The following BTAF1 variants were observed in gnomAD, a reference collection of about 807,000 sequenced individuals.
BTAF1 encodes the protein TATA-binding protein-associated factor 172.
Under a neutral mutation model 227.1 loss-of-function variants are expected in BTAF1, and 38 were observed. The ratio of observed to expected loss-of-function variants is 0.17; its 90% CI spans 0.13 to 0.22. The LOEUF (loss-of-function observed/expected upper bound fraction) is 0.22, where lower values mean the gene tolerates loss of function less well. Ranked by LOEUF, BTAF1 falls within the 10% of genes least tolerant of loss-of-function variation. The probability of loss-of-function intolerance (pLI) is 1.00; values close to 1 mark genes in which losing one functional copy is unlikely to be tolerated. For missense variants in BTAF1, 1,598 were observed against 2,204.0 expected (o/e 0.73, Z 5.51); for synonymous variants, 742 against 751.9 (o/e 0.99, Z 0.21).
chr10:92,006,775 G>GT (rs1398397778), intron 25 of BTAF1, among the ~76,000 whole-genome samples: 1 of 152,152 alleles, frequency 6.6e-6, no homozygotes, highest in Non-Finnish European at 1.5e-5. Flanking sequence ...AATACCCACA[G>GT]TTTATCAGTC....
intron 20 of BTAF1, among the ~76,000 whole-genome samples, chr10:91,990,095 A>G (rs1411941914): frequency 1.3e-5 from 2 of 152,188 alleles, no homozygotes; most frequent in East Asian, 1.9e-4. Context: ...GAGAATTTGT[A>G]TGGAAAATGA....
intron 8 of BTAF1, among the ~76,000 whole-genome samples, chr10:91,958,265 T>C (rs189831753): frequency 6.6e-6 from 1 of 151,966 alleles, no homozygotes; most frequent in Non-Finnish European, 1.5e-5. Flanking sequence ...TTGGCCAGGC[T>C]GGTCTTGCTT....
chr10:92,006,650 T>G (rs932350193), intron 25 of BTAF1, among the ~76,000 whole-genome samples: 1 of 152,260 alleles, frequency 6.6e-6, no homozygotes, highest in Non-Finnish European at 1.5e-5. Context: ...TATTGGAAAC[T>G]GTCAGCTTCT....
intron 8 of BTAF1, 78 bp from the exon 9 acceptor site, chr10:91,958,987 C>A: frequency 7.8e-7 from 1 of 1,284,884 alleles, no homozygotes; most frequent in East Asian, 2.3e-5. Context: ...TCCAGTATCC[C>A]TATTTCGTAT....
intron 1 of BTAF1, among the ~76,000 whole-genome samples, chr10:91,928,322 A>C (rs1844009548): frequency 6.6e-6 from 1 of 152,174 alleles, no homozygotes; most frequent in Non-Finnish European, 1.5e-5. Flanking sequence ...TGCAAAAATA[A>C]CTTTGTTACT....
chr10:91,952,378 T>C (rs529806866), intron 5 of BTAF1, among the ~76,000 whole-genome samples: 1 of 152,184 alleles, frequency 6.6e-6, no homozygotes, highest in Non-Finnish European at 1.5e-5. Flanking sequence ...CTTAACTTTT[T>C]TTATGCCACA....
intron 19 of BTAF1, 108 bp from the exon 20 acceptor site, chr10:91,989,046 G>C: frequency 9.9e-7 from 1 of 1,010,786 alleles, no homozygotes; most frequent in Non-Finnish European, 1.4e-6. Context: ...ATTACATATT[G>C]TGGAAACCAA....
intron 33 of BTAF1, among the ~76,000 whole-genome samples, chr10:92,017,258 A>G (rs1850802474): frequency 6.6e-6 from 1 of 152,186 alleles, no homozygotes; most frequent in Non-Finnish European, 1.5e-5. Context: ...TTGAGCAAAG[A>G]TCTGAAGGAG....
intron 22 of BTAF1, 99 bp downstream of exon 22, chr10:91,993,946 GT>G: frequency 1.1e-6 from 1 of 875,924 alleles, no homozygotes; most frequent in Non-Finnish European, 1.6e-6. Context: ...GCCTCTACCT[GT>G]TTATTCCAGA....
At chr10:92,021,215 A>G (rs1343960023) in intron 34 of BTAF1, among the ~76,000 whole-genome samples, 1 of 152,238 alleles carries the variant, frequency 6.6e-6, no homozygotes, top group Non-Finnish European at 1.5e-5. Flanking sequence ...GAAGTATCTA[A>G]TATTGCCAAA....
At chr10:91,945,956 G>GA (rs1357594733) in intron 4 of BTAF1, among the ~76,000 whole-genome samples, 2 of 152,104 alleles carry the variant, frequency 1.3e-5, no homozygotes, top group Non-Finnish European at 2.9e-5. Context: ...GTTATTTTCT[G>GA]TTTTTTGATA....
At chr10:91,989,054 C>G (rs1158274967) in intron 19 of BTAF1, 100 bp from the exon 20 acceptor site, 1 of 1,126,272 alleles carries the variant, frequency 8.9e-7, no homozygotes. Context: ...TTGTGGAAAC[C>G]AAAATTGAAA....
chr10:92,002,006 ACACACACACT>A (rs61161147), intron 25 of BTAF1, among the ~76,000 whole-genome samples: 37,474 of 145,476 alleles, frequency 0.26, 6,213 homozygotes, highest in South Asian at 0.47. Context: ...ACACACACAC[ACACACACACT>A]CCATATATTC....
intron 14 of BTAF1, among the ~76,000 whole-genome samples, chr10:91,976,026 C>A (rs1235451926): frequency 6.6e-6 from 1 of 152,222 alleles, no homozygotes; most frequent in East Asian, 1.9e-4. Flanking sequence ...CAACAGATAG[C>A]AGTTGCAAGT....
chr10:91,947,015 T>A (rs191964153), intron 4 of BTAF1, among the ~76,000 whole-genome samples: 5 of 152,044 alleles, frequency 3.3e-5, no homozygotes, highest in African/African-American at 7.2e-5. Context: ...GCTAATTTTT[T>A]AATTTTTAGT....
At chr10:91,973,596 GATA>G (rs1847465254) in intron 14 of BTAF1, among the ~76,000 whole-genome samples, 2 of 152,078 alleles carry the variant, frequency 1.3e-5, no homozygotes, top group Non-Finnish European at 2.9e-5. Flanking sequence ...TGAGAGAACT[GATA>G]ATCAAAGATT....
At position 92,030,298 on chromosome 10, in the gene BTAF1, G is replaced by T. The variant is rs576133609; in HGVS notation, c.*1365G>T. 2.0e-5 allele frequency: 3 copies of T among 152,560 alleles called. No homozygotes were observed. In the South Asian group the frequency reaches 6.2e-4, roughly 32 times the overall value. 9.5% of individuals were successfully genotyped at this position (152,560 alleles called of 1,614,324 possible). A position where few individuals can be genotyped will look rare whatever the true frequency, so the allele number is the denominator to read the frequency against. Reference sequence around the variant, plus strand: ...ACATTAAACCTAGCATTCCACAAGAGAATAAATATAAGATTGAAACTGTAA... The same window carrying T: ...ACATTAAACCTAGCATTCCACAAGATAATAAATATAAGATTGAAACTGTAA... On this transcript the variant is annotated 3_prime_UTR_variant, in exon 38 of 38. Coordinates refer to ENST00000265990, the MANE Select transcript of BTAF1 (RefSeq NM_003972.3).
chr10:91,942,892 C>A (rs2133821861), intron 4 of BTAF1, among the ~76,000 whole-genome samples: 1 of 152,176 alleles, frequency 6.6e-6, no homozygotes, highest in South Asian at 2.1e-4. Flanking sequence ...ATTATAAAAT[C>A]AGGATTAGTA....
At chr10:91,960,248 C>T (rs1298306568) in intron 11 of BTAF1, 94 bp downstream of exon 11, 3 of 1,330,584 alleles carry the variant, frequency 2.3e-6, no homozygotes, top group Admixed American at 4.6e-5. Context: ...TAGATTCTTA[C>T]TGTTACAGAG....
Sources: allele counts gnomAD v4.1 joint callset (sites outside exome capture counted in the v4.1 genomes callset), GRCh38; gene constraint gnomAD v4.1.1; transcripts MANE v1.5; gene names NCBI Gene and HGNC (gene_info 2026-07-23, HGNC 2026-07-21).